Variants in FOXP1 observed in about 807,000 individuals in gnomAD.
FOXP1 encodes the protein forkhead box P1.
In FOXP1, 15 loss-of-function variants were observed where a neutral mutation model predicts 98.2. The observed-to-expected ratio is 0.15, with a 90% CI of 0.10 to 0.24. The LOEUF (loss-of-function observed/expected upper bound fraction) is 0.24. Among genes scored for constraint, FOXP1 ranks in the 10% least tolerant of loss-of-function variants. The probability of loss-of-function intolerance (pLI) is 1.00; values close to 1 mark genes in which losing one functional copy is unlikely to be tolerated. For synonymous variants in FOXP1, 371 were observed against 314.5 expected, an observed-to-expected ratio of 1.18 and a Z score of -1.90; for missense variants, 633 against 848.5, an observed-to-expected ratio of 0.75 and a Z score of 3.15.
At chr3:71,514,532 G>A (rs1259297566) in intron 2 of FOXP1, among the ~76,000 whole-genome samples, 1 of 152,158 alleles carries the variant, frequency 6.6e-6, no homozygotes, top group African/African-American at 2.4e-5. Context: ...CACATGCCTG[G>A]AACAGTGTCA....
chr3:71,260,320 G>A (rs1242148100), intron 5 of FOXP1, among the ~76,000 whole-genome samples: 3 of 152,154 alleles, frequency 2.0e-5, no homozygotes, highest in African/African-American at 7.2e-5. Flanking sequence ...CGGGGCGCGG[G>A]GGGAGAAATG....
intron 4 of FOXP1, among the ~76,000 whole-genome samples, chr3:71,352,208 G>A (rs1185391232): frequency 6.6e-6 from 1 of 152,142 alleles, no homozygotes; most frequent in Admixed American, 6.5e-5. Context: ...ACTCATGCCT[G>A]TAATCTCAGC....
chr3:71,345,419 C>T (rs1331073052), intron 4 of FOXP1, among the ~76,000 whole-genome samples: 6 of 151,268 alleles, frequency 4.0e-5, no homozygotes, highest in East Asian at 2.0e-4. Flanking sequence ...CACACACACA[C>T]ACACACACAC....
intron 5 of FOXP1, among the ~76,000 whole-genome samples, chr3:71,293,049 G>A (rs1324217869): frequency 1.3e-5 from 2 of 152,164 alleles, no homozygotes; most frequent in African/African-American, 4.8e-5. Context: ...GAGGTCCTTG[G>A]TGTTACTAGA....
intron 10 of FOXP1, among the ~76,000 whole-genome samples, chr3:71,043,207 C>G (rs975251138): frequency 6.6e-6 from 1 of 152,138 alleles, no homozygotes; most frequent in Admixed American, 6.5e-5. Context: ...GTCAGATATT[C>G]TTAGGAGGCA....
chr3:71,539,440 T>A (rs575281299), intron 2 of FOXP1, among the ~76,000 whole-genome samples: 1 of 151,640 alleles, frequency 6.6e-6, no homozygotes, highest in African/African-American at 2.4e-5. Flanking sequence ...CTTTTTCAAG[T>A]GTTTTGGCTA....
At chr3:70,977,560 G>T in intron 16 of FOXP1, 83 bp downstream of exon 16, 1 of 1,227,518 alleles carries the variant, frequency 8.1e-7, no homozygotes, top group Non-Finnish European at 1.2e-6. Context: ...ATACTAAACG[G>T]TTTTTAAATC....
At chr3:71,336,514 C>T (rs2076692923) in intron 4 of FOXP1, among the ~76,000 whole-genome samples, 1 of 152,092 alleles carries the variant, frequency 6.6e-6, no homozygotes, top group Admixed American at 6.5e-5. Flanking sequence ...TTAATGGTTA[C>T]TTTCAGAAAA....
At chr3:71,518,318 A>T (rs1026846177) in intron 2 of FOXP1, among the ~76,000 whole-genome samples, 1 of 152,140 alleles carries the variant, frequency 6.6e-6, no homozygotes, top group Non-Finnish European at 1.5e-5. Context: ...CAGATGAGAA[A>T]ATGCAAGCTC....
At chr3:71,491,504 T>C (rs1377772075) in intron 3 of FOXP1, among the ~76,000 whole-genome samples, 1 of 152,212 alleles carries the variant, frequency 6.6e-6, no homozygotes, top group African/African-American at 2.4e-5. Context: ...ATGACTCCAT[T>C]AACCATTTCT....
intron 9 of FOXP1, 112 bp downstream of exon 9, chr3:71,052,425 C>T (rs554273851): frequency 7.7e-6 from 6 of 775,438 alleles, no homozygotes; most frequent in South Asian, 4.2e-5. Flanking sequence ...AGCTGAGAAC[C>T]GATAGAGTCA....
At chr3:71,503,504 G>A (rs1406256073) in intron 2 of FOXP1, among the ~76,000 whole-genome samples, 1 of 148,132 alleles carries the variant, frequency 6.8e-6, no homozygotes, top group Non-Finnish European at 1.5e-5. Context: ...GGGAGGTTGA[G>A]ACAGGAGAAT....
intron 1 of FOXP1, 197 bp from the exon 2 acceptor site, chr3:71,581,894 G>GA: frequency 2.0e-6 from 2 of 984,554 alleles, no homozygotes; most frequent in Non-Finnish European, 2.4e-6. Context: ...CAGAGACCGG[G>GA]AAATCGGCCC....
At chr3:71,575,241 G>A (rs1359636691) in intron 2 of FOXP1, among the ~76,000 whole-genome samples, 1 of 152,022 alleles carries the variant, frequency 6.6e-6, no homozygotes, top group African/African-American at 2.4e-5. Flanking sequence ...ACACAGGATG[G>A]GCCTCAAGGT....
At chr3:71,257,267 T>C (rs894583840) in intron 5 of FOXP1, among the ~76,000 whole-genome samples, 4 of 152,094 alleles carry the variant, frequency 2.6e-5, no homozygotes, top group African/African-American at 9.7e-5. Context: ...CAACACAGTT[T>C]TGGCAATATT....
chr3:71,301,439 G>A (rs2073839217), intron 4 of FOXP1, among the ~76,000 whole-genome samples: 1 of 152,156 alleles, frequency 6.6e-6, no homozygotes, highest in South Asian at 2.1e-4. Flanking sequence ...AGCGCACACA[G>A]AAATTTCTAC....
At chr3:71,213,823 A>C (rs577740432) in intron 5 of FOXP1, among the ~76,000 whole-genome samples, 1 of 152,342 alleles carries the variant, frequency 6.6e-6, no homozygotes, top group Non-Finnish European at 1.5e-5. Flanking sequence ...TTCAAAAAAA[A>C]TAAAATAAAA....
chr3:71,244,327 C>A lies in FOXP1; in HGVS notation c.-11-45935G>T, dbSNP rs140177296. 5.6e-3 allele frequency among the ~76,000 whole-genome samples: 858 copies of A among 152,102 alleles called. 8 individuals are homozygous for A. The highest frequency in any genetic ancestry group is 0.02 in the African/African-American group (815 of 41,472). On this transcript the variant is annotated intron_variant, in intron 5 of 20. Coordinates refer to ENST00000649528, the MANE Select transcript of FOXP1 (RefSeq NM_001349338.3). ...TCCCTCGGCTCCAAGCATGATCTCT[C>A]CCCCCTCTTTTAGGTCAGCCACTCA...
At chr3:71,026,331 A>G (rs973360420) in intron 11 of FOXP1, among the ~76,000 whole-genome samples, 5 of 152,156 alleles carry the variant, frequency 3.3e-5, no homozygotes, top group African/African-American at 1.2e-4. Context: ...TATTCAAACG[A>G]CTCAAGTTTG....
Sources: gnomAD v4.1 joint callset for allele counts (sites outside exome capture counted in the v4.1 genomes callset) on GRCh38, gnomAD v4.1.1 for gene constraint, MANE v1.5 for transcripts, NCBI Gene and HGNC (gene_info 2026-07-23, HGNC 2026-07-21) for gene names.